KCNQ1: variants seen among roughly 807,000 people sequenced by gnomAD.
KCNQ1 encodes the protein potassium voltage-gated channel subfamily Q member 1.
A neutral mutation model predicts 72.4 loss-of-function variants in KCNQ1; 49 were observed. That is an observed-to-expected ratio of 0.68 (90% CI 0.54 to 0.86). The LOEUF (loss-of-function observed/expected upper bound fraction) is 0.86, where lower values mean the gene tolerates loss of function less well. KCNQ1 is among the 40% of genes least tolerant of loss of function. The pLI, the probability that KCNQ1 is intolerant of heterozygous loss-of-function variation, is 0.00. For synonymous variants in KCNQ1, 450 were observed against 412.6 expected, an observed-to-expected ratio of 1.09 and a Z score of -1.10; for missense variants, 790 against 945.1, an observed-to-expected ratio of 0.84 and a Z score of 2.15.
chr11:2,729,356 G>T (rs1845814522), intron 11 of KCNQ1, among the ~76,000 whole-genome samples: 1 of 152,242 alleles, frequency 6.6e-6, no homozygotes, highest in Non-Finnish European at 1.5e-5. Context: ...ACTGCCAGGT[G>T]GATTAAATGA....
intron 1 of KCNQ1, among the ~76,000 whole-genome samples, chr11:2,448,003 C>G (rs946630549): frequency 6.6e-6 from 1 of 152,332 alleles, no homozygotes; most frequent in Non-Finnish European, 1.5e-5. Flanking sequence ...GGCCACAACT[C>G]TTGCCCGCTT....
rs959067426 is a variant in KCNQ1, at chr11:2,458,542, G to T, written c.386+13058G>T. On this transcript the variant is annotated intron_variant, in intron 1 of 15. Coordinates refer to ENST00000155840, the MANE Select transcript of KCNQ1 (RefSeq NM_000218.3). This position sits in a 1 kb window ranked among gnomAD's most constrained non-coding sequence, Gnocchi z 4.6. ...AGCTCCTGGTGAGGTCAGGGATTCC[G>T]CATGCAGCGTCACAGCTGCCAACCT... 6.6e-6 allele frequency among the ~76,000 whole-genome samples: 1 copy of T among 152,222 alleles called. No individual in the cohort carries two copies. Among genetic ancestry groups the T allele is most frequent in the East Asian group, 1.9e-4 (1 of 5,190 alleles).
intron 10 of KCNQ1, chr11:2,630,150 G>C (rs1717399757): frequency 2.5e-6 from 1 of 398,126 alleles, no homozygotes; most frequent in Non-Finnish European, 4.4e-6. Context: ...TATGTGAACT[G>C]CATTATTTGC....
intron 11 of KCNQ1, among the ~76,000 whole-genome samples, chr11:2,749,997 G>C (rs1259566016): frequency 2.6e-5 from 4 of 152,060 alleles, no homozygotes; most frequent in African/African-American, 7.2e-5. Flanking sequence ...GGCTCTACAC[G>C]GCGCCCTGAG....
In KCNQ1 at chr11:2,768,425, A is replaced by G. The variant is rs575792644; in HGVS notation, c.1515-419A>G. Among the ~76,000 whole-genome samples the G allele has an allele frequency of 6.6e-6, 1 of 152,266 alleles. No individual in the cohort carries two copies. The highest frequency in any genetic ancestry group is 2.1e-4 in the South Asian group (1 of 4,826). ...TGTTTGTGGGGCTACAGGACACAGCAGCTGAAAGGGGCTGTGGGCATCGCC... is the reference window on the plus strand; with the variant it reads ...TGTTTGTGGGGCTACAGGACACAGCGGCTGAAAGGGGCTGTGGGCATCGCC... On this transcript the variant is annotated intron_variant, in intron 11 of 15. Coordinates refer to ENST00000155840, the MANE Select transcript of KCNQ1 (RefSeq NM_000218.3). This position sits in a 1 kb window ranked among gnomAD's most constrained non-coding sequence, Gnocchi z 6.7.
intron 2 of KCNQ1, 121 bp from the exon 3 acceptor site, chr11:2,570,507 G>A: frequency 7.3e-7 from 1 of 1,366,444 alleles, no homozygotes; most frequent in Non-Finnish European, 1.0e-6. Flanking sequence ...ACCCGGGCCT[G>A]CTGTTCTCAG....
In KCNQ1 at chr11:2,509,804, T is replaced by C. The variant is rs1204478608; in HGVS notation, c.387-18124T>C. 6.6e-6 allele frequency among the ~76,000 whole-genome samples: 1 copy of C among 152,104 alleles called. No homozygotes were observed. The highest frequency in any genetic ancestry group is 1.5e-5 in the Non-Finnish European group (1 of 68,022). ...CGGCTGCTGGCTGAGCCAAGTGGACTGGGAGGTGTGGACAGGGAACCCTGG... is the reference window on the plus strand; with the variant it reads ...CGGCTGCTGGCTGAGCCAAGTGGACCGGGAGGTGTGGACAGGGAACCCTGG... On this transcript the variant is annotated intron_variant, in intron 1 of 15. Transcript: ENST00000155840. The surrounding 1 kb of genome is among the most constrained non-coding windows in gnomAD (Gnocchi z 6.3).
intron 2 of KCNQ1, among the ~76,000 whole-genome samples, chr11:2,532,331 G>A (rs1402093211): frequency 6.6e-6 from 1 of 152,198 alleles, no homozygotes; most frequent in Non-Finnish European, 1.5e-5. Flanking sequence ...CAGCGAGGAT[G>A]ACCCAGCTTG....
At position 2,462,184 on chromosome 11, in the gene KCNQ1, T is replaced by C. The variant is rs1589892990; in HGVS notation, c.386+16700T>C. On this transcript the variant is annotated intron_variant, in intron 1 of 15. Transcript: ENST00000155840. This position sits in a 1 kb window ranked among gnomAD's most constrained non-coding sequence, Gnocchi z 8.2. ...GAGCCAGGGAGGAGCCTTCTGGTGGTTTGGGTTCTGGATTGGTGGGTGCTG... is the reference window on the plus strand; with the variant it reads ...GAGCCAGGGAGGAGCCTTCTGGTGGCTTGGGTTCTGGATTGGTGGGTGCTG... 6.6e-6 allele frequency among the ~76,000 whole-genome samples: 1 copy of C among 151,928 alleles called. No homozygotes were observed. Among genetic ancestry groups the C allele is most frequent in the Non-Finnish European group, 1.5e-5 (1 of 67,960 alleles).
chr11:2,815,798 G>T lies in KCNQ1; in HGVS notation c.1795-31969G>T, dbSNP rs1301406624. Among the ~76,000 whole-genome samples the T allele has an allele frequency of 6.6e-6, 1 of 152,182 alleles. No homozygotes were observed. Among genetic ancestry groups the T allele is most frequent in the Non-Finnish European group, 1.5e-5 (1 of 68,022 alleles). On this transcript the variant is annotated intron_variant, in intron 15 of 15. Transcript: ENST00000155840. The surrounding 1 kb of genome is among the most constrained non-coding windows in gnomAD (Gnocchi z 5.4). The stretch of plus-strand genomic sequence containing the variant: ...GGTGGAGCTGCCCCCAGCCCTTCCT[G>T]CTGGCCTCCCCAGAGCTCCAGGCTC...
In KCNQ1 at chr11:2,627,033, A is replaced by G; in HGVS notation, c.1394-34928A>G. On this transcript the variant is annotated intron_variant, in intron 10 of 15. Coordinates refer to ENST00000155840, the MANE Select transcript of KCNQ1 (RefSeq NM_000218.3). This position sits in a 1 kb window ranked among gnomAD's most constrained non-coding sequence, Gnocchi z 4.9. ...TGTGTGGTACTGACACCTTAACAAT[A>G]TTGGCCTTCCAATCCATGAACATAG... 1 of 398,584 alleles carries G rather than the reference A, an allele frequency of 2.5e-6. No individual in the cohort carries two copies. Among genetic ancestry groups the G allele is most frequent in the Non-Finnish European group, 4.4e-6 (1 of 226,064 alleles). The allele number at this position is 398,584 out of a possible 1,614,324, so 24.7% of individuals were successfully genotyped here.
Position 2,674,069 on chromosome 11 carries a change from G to A in KCNQ1, c.1514+11988G>A. On this transcript the variant is annotated intron_variant, in intron 11 of 15. Coordinates refer to ENST00000155840, the MANE Select transcript of KCNQ1 (RefSeq NM_000218.3). This position sits in a 1 kb window ranked among gnomAD's most constrained non-coding sequence, Gnocchi z 5.9. ...ATTTGTACTTGCTGGCTGCCCCATG[G>A]GGGCTTGGGCTAGGTCTCCCTGCCG... 2.5e-6 allele frequency: 1 copy of A among 398,684 alleles called. No homozygotes were observed. 24.7% of individuals were successfully genotyped at this position (398,684 alleles called of 1,614,324 possible).
At position 2,464,966 on chromosome 11, in the gene KCNQ1, G is replaced by C. The variant is rs1846330437; in HGVS notation, c.386+19482G>C. On this transcript the variant is annotated intron_variant, in intron 1 of 15. Transcript: ENST00000155840. The surrounding 1 kb of genome is among the most constrained non-coding windows in gnomAD (Gnocchi z 5.0). ...CTCTGGGCACTGATGGGCTGGTCCA[G>C]TGCAGGGAGCTGCCCCGGCCGCCCC... Among the ~76,000 whole-genome samples, 1 of 152,180 alleles carries C rather than the reference G, an allele frequency of 6.6e-6. No homozygotes were observed. Among genetic ancestry groups the C allele is most frequent in the Non-Finnish European group, 1.5e-5 (1 of 68,032 alleles).
chr11:2,786,923 C>G (rs1322051059), intron 15 of KCNQ1, among the ~76,000 whole-genome samples: 1 of 142,768 alleles, frequency 7.0e-6, no homozygotes, highest in African/African-American at 2.6e-5. Context: ...TGCTGACTCT[C>G]ATTCATGGTG....
At position 2,769,715 on chromosome 11, in the gene KCNQ1, G is replaced by C. The variant is rs1014238832; in HGVS notation, c.1590+796G>C. Among the ~76,000 whole-genome samples the C allele has an allele frequency of 6.6e-6, 1 of 152,154 alleles. No individual in the cohort carries two copies. The highest frequency in any genetic ancestry group is 2.4e-5 in the African/African-American group (1 of 41,424). ...TGATCCAGAAGGCAAAAATCACAAA[G>C]CAGGGAAGGCTGGGGGGTGACTTGC... On this transcript the variant is annotated intron_variant, in intron 12 of 15. Coordinates refer to ENST00000155840, the MANE Select transcript of KCNQ1 (RefSeq NM_000218.3). The surrounding 1 kb of genome is among the most constrained non-coding windows in gnomAD (Gnocchi z 4.6).
In KCNQ1 at chr11:2,647,502, C is replaced by T; in HGVS notation, c.1394-14459C>T. The stretch of plus-strand genomic sequence containing the variant: ...CTTATCTGGTTTTGGTATCAAGATA[C>T]TGCTTGCCTCACAGAATGAGTTAGG... On this transcript the variant is annotated intron_variant, in intron 10 of 15. Transcript: ENST00000155840. The surrounding 1 kb of genome is among the most constrained non-coding windows in gnomAD (Gnocchi z 4.0). 1 of 398,514 alleles carries T rather than the reference C, an allele frequency of 2.5e-6. No homozygotes were observed. Among genetic ancestry groups the T allele is most frequent in the African/African-American group, 2.1e-5 (1 of 48,730 alleles). 24.7% of individuals were successfully genotyped at this position (398,514 alleles called of 1,614,324 possible). A position where few individuals can be genotyped will look rare whatever the true frequency, so the allele number is the denominator to read the frequency against.
intron 12 of KCNQ1, among the ~76,000 whole-genome samples, chr11:2,774,635 G>A (rs1001832095): frequency 6.6e-6 from 1 of 152,202 alleles, no homozygotes; most frequent in Non-Finnish European, 1.5e-5. Context: ...CAAGCCTCCG[G>A]CATTGGTGGC....
chr11:2,472,941 G>A (rs371390610), intron 1 of KCNQ1, among the ~76,000 whole-genome samples: 1 of 152,062 alleles, frequency 6.6e-6, no homozygotes, highest in Non-Finnish European at 1.5e-5. Flanking sequence ...CCCCAGCACC[G>A]AGATGGGCAT....
chr11:2,680,206 TAAA>T lies in KCNQ1; in HGVS notation c.1514+18144_1514+18146del, dbSNP rs139249507. The T allele has an allele frequency of 0.058, 20,303 of 350,476 alleles. 9 individuals are homozygous for T. The highest frequency in any genetic ancestry group is 0.25 in the East Asian group (6,090 of 24,036). The allele number at this position is 350,476 out of a possible 1,614,324, so 21.7% of individuals were successfully genotyped here. On this transcript the variant is annotated intron_variant, in intron 11 of 15. Coordinates refer to ENST00000155840, the MANE Select transcript of KCNQ1 (RefSeq NM_000218.3). ...TGCACCTGGCCTCAGCTTGCCTAAT[TAAA>T]AAAAAAAAAAAAAAAAAAGTTGTCT...
Sources: gnomAD v4.1 joint callset for allele counts (sites outside exome capture counted in the v4.1 genomes callset) on GRCh38, gnomAD v4.1.1 for gene constraint, Gnocchi (gnomAD v3.1) non-coding constraint, MANE v1.5 for transcripts, NCBI Gene and HGNC (gene_info 2026-07-23, HGNC 2026-07-21) for gene names.